The following CNTN5 variants were observed in gnomAD, a reference collection of about 807,000 sequenced individuals.
The protein encoded by CNTN5 is contactin 5.
A neutral mutation model predicts 129.1 loss-of-function variants in CNTN5; 77 were observed. The observed-to-expected ratio is 0.60, with a 90% CI of 0.50 to 0.72. CNTN5 has a LOEUF of 0.72. Among genes scored for constraint, CNTN5 ranks in the 30% least tolerant of loss-of-function variants. The pLI is 0.00. For synonymous variants in CNTN5, 509 were observed against 465.6 expected (o/e 1.09, Z -1.20); for missense variants, 1,478 against 1,328.8 (o/e 1.11, Z -1.75).
chr11:99,723,497 G>T (rs1173632665), intron 3 of CNTN5, among the ~76,000 whole-genome samples: 2 of 152,108 alleles, frequency 1.3e-5, no homozygotes, highest in African/African-American at 2.4e-5. Context: ...TGATAAAATA[G>T]AAACCAACGT....
intron 2 of CNTN5, among the ~76,000 whole-genome samples, chr11:99,427,187 T>C: frequency 6.6e-6 from 1 of 152,190 alleles, no homozygotes; most frequent in Admixed American, 6.5e-5. Flanking sequence ...GAAAAGTGTG[T>C]CCTGAATCGT....
intron 1 of CNTN5, among the ~76,000 whole-genome samples, chr11:99,121,307 G>A (rs1157614228): frequency 6.6e-6 from 1 of 151,856 alleles, no homozygotes; most frequent in African/African-American, 2.4e-5. Flanking sequence ...GCTAATTTTT[G>A]TATTTTTAGT....
chr11:99,284,729 T>G (rs765090213), intron 1 of CNTN5, among the ~76,000 whole-genome samples: 39 of 151,568 alleles, frequency 2.6e-4, no homozygotes, highest in Non-Finnish European at 4.9e-4. Context: ...TAAATGCTAG[T>G]CTTCCCTAAA....
At chr11:100,244,367 T>C (rs1396954954) in intron 16 of CNTN5, among the ~76,000 whole-genome samples, 2 of 152,184 alleles carry the variant, frequency 1.3e-5, no homozygotes, top group Non-Finnish European at 2.9e-5. Flanking sequence ...CCAGCCTCAA[T>C]ATCTAACAAA....
chr11:99,889,437 T>C (rs1028763834), intron 6 of CNTN5, among the ~76,000 whole-genome samples: 7 of 150,630 alleles, frequency 4.6e-5, no homozygotes, highest in African/African-American at 7.3e-5. Flanking sequence ...TATTGACACA[T>C]AAAATAGATT....
At chr11:99,791,719 T>A (rs1565537308) in intron 3 of CNTN5, among the ~76,000 whole-genome samples, 1 of 152,222 alleles carries the variant, frequency 6.6e-6, no homozygotes. Context: ...TTTGGCATTT[T>A]TAACAATCTT....
chr11:100,119,237 G>A (rs1273138631), intron 13 of CNTN5, among the ~76,000 whole-genome samples: 4 of 151,852 alleles, frequency 2.6e-5, no homozygotes, highest in Non-Finnish European at 5.9e-5. Flanking sequence ...CTGGAAACAG[G>A]TTAAGCTAGA....
chr11:99,619,699 G>T (rs1230276616), intron 3 of CNTN5, among the ~76,000 whole-genome samples: 2 of 152,028 alleles, frequency 1.3e-5, no homozygotes, highest in African/African-American at 4.8e-5. Context: ...AGATTAAAAA[G>T]TTCTTTCAGG....
chr11:99,916,091 C>T lies in CNTN5; in HGVS notation c.615C>T (p.Val205=), dbSNP rs1393652184. 2.5e-6 allele frequency: 4 copies of T among 1,612,468 alleles called. No individual in the cohort carries two copies. The highest frequency in any genetic ancestry group is 3.4e-6 in the Non-Finnish European group (4 of 1,179,250). ...GNFSGRTRSA[V]SVREGQGVVL... is the part of the protein sequence containing the mutation. ...TTAGTGGCCGGACAAGAAGTGCAGT[C>T]TCTGTGAGGGAAGGCCAGGGTGTCG... Residue 205 remains valine, a synonymous_variant, in exon 7 of 25, where the codon GTC becomes GTT. Transcript: ENST00000524871.
chr11:100,128,414 C>G (rs1330121032), intron 13 of CNTN5, among the ~76,000 whole-genome samples: 1 of 152,050 alleles, frequency 6.6e-6, no homozygotes, highest in Admixed American at 6.6e-5. Flanking sequence ...ATAATGGCTC[C>G]CAAAGAGGTC....
At chr11:100,166,380 A>G (rs1947636949) in intron 13 of CNTN5, among the ~76,000 whole-genome samples, 1 of 151,728 alleles carries the variant, frequency 6.6e-6, no homozygotes, top group African/African-American at 2.4e-5. Flanking sequence ...TACCAAGACT[A>G]AATATTAAAG....
intron 1 of CNTN5, among the ~76,000 whole-genome samples, chr11:99,216,857 A>T (rs1482685238): frequency 6.6e-6 from 1 of 152,114 alleles, no homozygotes; most frequent in African/African-American, 2.4e-5. Flanking sequence ...GGGAGAAAAT[A>T]TTTACAAACT....
At chr11:100,251,863 A>C (rs1949969076) in intron 16 of CNTN5, among the ~76,000 whole-genome samples, 1 of 152,168 alleles carries the variant, frequency 6.6e-6, no homozygotes, top group Admixed American at 6.6e-5. Context: ...TATTGTGAAT[A>C]ATGCTGCAAT....
chr11:99,742,841 T>A (rs1943928912), intron 3 of CNTN5, among the ~76,000 whole-genome samples: 1 of 152,174 alleles, frequency 6.6e-6, no homozygotes, highest in Non-Finnish European at 1.5e-5. Context: ...AAAATATTGA[T>A]ATGTTGGGCA....
At chr11:99,401,583 T>C (rs1941809494) in intron 2 of CNTN5, among the ~76,000 whole-genome samples, 1 of 152,176 alleles carries the variant, frequency 6.6e-6, no homozygotes, top group Non-Finnish European at 1.5e-5. Context: ...TGTGGTTCCA[T>C]ATAAATTTTA....
intron 2 of CNTN5, among the ~76,000 whole-genome samples, chr11:99,528,186 T>G (rs1947560762): frequency 6.6e-6 from 1 of 152,190 alleles, no homozygotes; most frequent in Admixed American, 6.5e-5. Flanking sequence ...TTTAAAATTA[T>G]TCTAAAAAAT....
chr11:99,638,505 T>A (rs1951648485), intron 3 of CNTN5, among the ~76,000 whole-genome samples: 1 of 152,220 alleles, frequency 6.6e-6, no homozygotes, highest in Admixed American at 6.5e-5. Context: ...AAGTCTCATC[T>A]GAGTCAAGTC....
intron 1 of CNTN5, among the ~76,000 whole-genome samples, chr11:99,242,536 T>G (rs1402307538): frequency 6.6e-6 from 1 of 152,092 alleles, no homozygotes; most frequent in Non-Finnish European, 1.5e-5. Context: ...GTTTGTTACC[T>G]AGGTACACTG....
At chr11:99,277,035 G>A (rs533755932) in intron 1 of CNTN5, among the ~76,000 whole-genome samples, 95 of 151,616 alleles carry the variant, frequency 6.3e-4, no homozygotes, top group Non-Finnish European at 9.9e-4. Context: ...TGTTTAAACC[G>A]TTATTACTAA....
Sources: allele counts gnomAD v4.1 joint callset (sites outside exome capture counted in the v4.1 genomes callset), GRCh38; gene constraint gnomAD v4.1.1; transcripts MANE v1.5; gene names NCBI Gene and HGNC (gene_info 2026-07-23, HGNC 2026-07-21).